Variants in CC2D2A observed in about 807,000 individuals in gnomAD.
The protein encoded by CC2D2A is coiled-coil and C2 domain containing 2A.
In CC2D2A, 155 loss-of-function variants were observed where a neutral mutation model predicts 212.9. The observed-to-expected ratio is 0.73, with a 90% CI of 0.64 to 0.83. The LOEUF (loss-of-function observed/expected upper bound fraction) is 0.83. Among genes scored for constraint, CC2D2A ranks in the 40% least tolerant of loss-of-function variants. The pLI is 0.00. For missense variants in CC2D2A, 1,856 were observed against 1,956.2 expected, an observed-to-expected ratio of 0.95 and a Z score of 0.97; for synonymous variants, 667 against 686.5, an observed-to-expected ratio of 0.97 and a Z score of 0.44.
Position 15,555,178 on chromosome 4 carries a change from C to A in CC2D2A, c.2593C>A (p.Pro865Thr). ...AAESKLDPND[P>T]NNAPLMQLIS... ...AGAGTCCAAGCTCGACCCAAATGAC[C>A]CCAACAATGCCCCTTTGATGCAGCT... The change falls in exon 20 of 37, where the codon CCC becomes ACC. Residue 865 changes from proline to threonine, a missense_variant. Physicochemically the swap from Pro to Thr is conservative, Grantham distance 38 (BLOSUM62 -1). This residue lies in a region of CC2D2A where 1,512 missense variants were observed against 1,579.3 expected (regional missense o/e 0.96). Transcript: ENST00000424120. The A allele has an allele frequency of 6.2e-7, 1 of 1,613,710 alleles. No individual in the cohort carries two copies. The highest frequency in any genetic ancestry group is 8.5e-7 in the Non-Finnish European group (1 of 1,179,774).
rs368572539 is a variant in CC2D2A, at chr4:15,502,908, T to C, written c.423T>C (p.Thr141=). 35 of 1,609,114 alleles carry C rather than the reference T, an allele frequency of 2.2e-5. No homozygotes were observed. In the African/African-American group the frequency reaches 4.4e-4, roughly 20 times the overall value. ...GTCCCAGTAAGAAAGAATTGGAGAC[T>C]GAATTTGGCACAGAGGTGAGAAATA... ...LRSPSKKELE[T]EFGTEPGKEV... is the part of the protein sequence containing the mutation. Residue 141 remains threonine (T), a synonymous_variant, in exon 6 of 37, where the codon ACT becomes ACC. Coordinates refer to ENST00000424120, the MANE Select transcript of CC2D2A (RefSeq NM_001378615.1).
intron 4 of CC2D2A, among the ~76,000 whole-genome samples, chr4:15,483,010 G>A (rs1302411226): frequency 1.3e-5 from 2 of 152,134 alleles, no homozygotes; most frequent in Admixed American, 1.3e-4. Flanking sequence ...GGGTGGAGCT[G>A]GAAGCTGCTG....
intron 30 of CC2D2A, 134 bp downstream of exon 30, chr4:15,580,305 T>A: frequency 1.4e-6 from 1 of 725,602 alleles, no homozygotes. Flanking sequence ...AAAGTAATGA[T>A]TAAAACATTT....
At chr4:15,534,724 T>C (rs543021210) in intron 14 of CC2D2A, among the ~76,000 whole-genome samples, 1 of 152,256 alleles carries the variant, frequency 6.6e-6, no homozygotes, top group East Asian at 1.9e-4. Context: ...TAGCTACAAA[T>C]TGTAAGTTTT....
At position 15,502,923 on chromosome 4, in the gene CC2D2A, G is replaced by A. The variant is rs1215345163; in HGVS notation, c.438G>A (p.Glu146=). 6.2e-7 allele frequency: 1 copy of A among 1,601,422 alleles called. No homozygotes were observed. The highest frequency in any genetic ancestry group is 2.2e-5 in the East Asian group (1 of 44,620). Residue 146 remains glutamate (E), a splice_region_variant and synonymous_variant, in exon 6 of 37, where the codon GAG becomes GAA. Coordinates refer to ENST00000424120, the MANE Select transcript of CC2D2A (RefSeq NM_001378615.1). The part of the protein sequence containing the change: ...KKELETEFGT[E]PGKEVERTQQ... ...AATTGGAGACTGAATTTGGCACAGA[G>A]GTGAGAAATACCCTCTCTACTTTGT...
rs753188706 is a variant in CC2D2A, at chr4:15,560,522, T to C, written c.2923-9T>C. The C allele has an allele frequency of 1.6e-5, 22 of 1,386,608 alleles. No individual in the cohort carries two copies. In the East Asian group the frequency reaches 4.9e-4, roughly 31 times the overall value. 85.9% of individuals were successfully genotyped at this position (1,386,608 alleles called of 1,614,324 possible). A position where few individuals can be genotyped will look rare whatever the true frequency, so the allele number is the denominator to read the frequency against. On this transcript the variant is annotated splice_polypyrimidine_tract_variant and intron_variant, in intron 22 of 36. Coordinates refer to ENST00000424120, the MANE Select transcript of CC2D2A (RefSeq NM_001378615.1). The stretch of plus-strand genomic sequence containing the variant: ...ATAACATTTTAAATAAGCTGATTTC[T>C]TTCCCCAGGTTAGAGAATCAGTGAT...
At chr4:15,476,916 G>A (rs1187951899) in intron 2 of CC2D2A, among the ~76,000 whole-genome samples, 1 of 152,186 alleles carries the variant, frequency 6.6e-6, no homozygotes, top group East Asian at 1.9e-4. Context: ...ACTGGCTTGA[G>A]ACAACAAAGA....
intron 14 of CC2D2A, 181 bp downstream of exon 14, chr4:15,533,514 C>CA (rs1168762942): frequency 6.6e-6 from 3 of 452,116 alleles, no homozygotes; most frequent in Non-Finnish European, 7.9e-6. Context: ...CCTCAATCCC[C>CA]AAAATAACAA....
chr4:15,582,186 T>C (rs1297178715), intron 30 of CC2D2A, among the ~76,000 whole-genome samples: 1 of 151,986 alleles, frequency 6.6e-6, no homozygotes, highest in Non-Finnish European at 1.5e-5. Flanking sequence ...ATAGTTAAAA[T>C]TAGAAATTAA....
In CC2D2A at chr4:15,517,345, T is replaced by C. The variant is rs558647393; in HGVS notation, c.1149+589T>C. Among the ~76,000 whole-genome samples, 5 of 152,094 alleles carry C rather than the reference T, an allele frequency of 3.3e-5. No homozygotes were observed. In the East Asian group the frequency reaches 9.7e-4, roughly 29 times the overall value. The stretch of plus-strand genomic sequence containing the variant: ...TCCAGGTTAGCTACACTTATTTTTC[T>C]TCTTTTGCCCTCTCTTTTCTCTTGT... On this transcript the variant is annotated intron_variant, in intron 11 of 36. Coordinates refer to ENST00000424120, the MANE Select transcript of CC2D2A (RefSeq NM_001378615.1).
chr4:15,578,679 G>A (rs1720512199), intron 29 of CC2D2A, among the ~76,000 whole-genome samples: 2 of 152,150 alleles, frequency 1.3e-5, no homozygotes, highest in South Asian at 2.1e-4. Flanking sequence ...AGGTTGGAGT[G>A]CAGTGGCTCA....
chr4:15,470,713 ATATATATATATATATATAT>A (rs1167871535), intron 1 of CC2D2A, among the ~76,000 whole-genome samples: 1 of 87,662 alleles, frequency 1.1e-5, no homozygotes, highest in African/African-American at 3.2e-5. Flanking sequence ...ATATATATAT[ATATATATATATATATATAT>A]ATCCTAGAGC....
At chr4:15,586,338 A>AT (rs1207288867) in intron 31 of CC2D2A, 92 bp downstream of exon 31, 1 of 734,888 alleles carries the variant, frequency 1.4e-6, no homozygotes, top group East Asian at 2.9e-5. Context: ...TGCAACATTC[A>AT]TTAGCCATAA....
intron 33 of CC2D2A, among the ~76,000 whole-genome samples, chr4:15,592,211 T>G (rs1481208748): frequency 3.3e-5 from 5 of 152,130 alleles, no homozygotes; most frequent in Non-Finnish European, 7.4e-5. Context: ...TTTTTCTCTC[T>G]CCTCCTCTAT....
intron 3 of CC2D2A, 66 bp downstream of exon 3, chr4:15,478,872 G>A: frequency 1.5e-6 from 2 of 1,301,862 alleles, no homozygotes; most frequent in Non-Finnish European, 2.2e-6. Context: ...GCATCCCCAG[G>A]GCCATACAGA....
At chr4:15,577,839 G>T (rs1249946527) in intron 29 of CC2D2A, among the ~76,000 whole-genome samples, 4 of 152,054 alleles carry the variant, frequency 2.6e-5, no homozygotes, top group Non-Finnish European at 5.9e-5. Flanking sequence ...TCAAGTCCCT[G>T]ATTGCTTATT....
intron 17 of CC2D2A, among the ~76,000 whole-genome samples, chr4:15,542,985 G>A (rs932907835): frequency 7.9e-5 from 12 of 152,154 alleles, no homozygotes; most frequent in Non-Finnish European, 4.4e-5. Context: ...GAGAGGAAGC[G>A]GTGCCAAGAA....
At chr4:15,487,884 A>T (rs372124718) in intron 4 of CC2D2A, among the ~76,000 whole-genome samples, 2 of 151,620 alleles carry the variant, frequency 1.3e-5, no homozygotes, top group East Asian at 3.9e-4. Flanking sequence ...TAAGCTGATG[A>T]CAACTTAAAT....
At chr4:15,526,492 G>A (rs1717517072) in intron 11 of CC2D2A, among the ~76,000 whole-genome samples, 1 of 152,048 alleles carries the variant, frequency 6.6e-6, no homozygotes, top group Admixed American at 6.5e-5. Flanking sequence ...CCATAATTTA[G>A]GGAGAATAAA....
Sources: gnomAD v4.1 joint callset for allele counts (sites outside exome capture counted in the v4.1 genomes callset) on GRCh38, gnomAD v4.1.1 for gene constraint, gnomAD v4.1.1 regional missense constraint, MANE v1.5 for transcripts, NCBI Gene and HGNC (gene_info 2026-07-23, HGNC 2026-07-21) for gene names.